SCN11A: variants seen among roughly 807,000 people sequenced by gnomAD.
The protein encoded by SCN11A is sodium voltage-gated channel alpha subunit 11.
Under a neutral mutation model 162.2 loss-of-function variants are expected in SCN11A, and 122 were observed. That is an observed-to-expected ratio of 0.75 (90% CI 0.65 to 0.87). SCN11A has a LOEUF of 0.87. Ranked by LOEUF, SCN11A falls within the 40% of genes least tolerant of loss-of-function variation. The probability of loss-of-function intolerance (pLI) is 0.00; values close to 1 mark genes in which losing one functional copy is unlikely to be tolerated. For synonymous variants in SCN11A, 758 were observed against 751.5 expected (o/e 1.01, Z -0.14); for missense variants, 2,015 against 2,181.6 (o/e 0.92, Z 1.52).
At chr3:38,864,577 T>C (rs879297849) in intron 27 of SCN11A, among the ~76,000 whole-genome samples, 17 of 152,250 alleles carry the variant, frequency 1.1e-4, no homozygotes, top group Admixed American at 1.3e-4. Flanking sequence ...GAGTAATCAG[T>C]ATGCAAATTT....
chr3:38,949,708 T>G (rs1040574363), intron 5 of SCN11A, among the ~76,000 whole-genome samples: 1 of 152,178 alleles, frequency 6.6e-6, no homozygotes, highest in Non-Finnish European at 1.5e-5. Flanking sequence ...ATTATTTCTA[T>G]TATACAGATT....
In SCN11A at chr3:38,879,971, G is replaced by C. The variant is rs1477841532; in HGVS notation, c.3372C>G (p.Cys1124Trp). 1.9e-6 allele frequency: 3 copies of C among 1,612,700 alleles called. No homozygotes were observed. The highest frequency in any genetic ancestry group is 2.5e-6 in the Non-Finnish European group (3 of 1,179,222). Residue 1124 changes from cysteine to tryptophan, a missense_variant, in exon 23 of 30, where the codon TGC becomes TGG. Coordinates refer to ENST00000302328, the MANE Select transcript of SCN11A (RefSeq NM_001349253.2). Reference protein sequence around the residue: ...FGKYFTSAWCCLDFIIVIVSV... With the variant: ...FGKYFTSAWCWLDFIIVIVSV... ...TTACAATCACAATGATGAAATCAAG[G>C]CAGCACCAGGCACTGGTGAAATACT...
At chr3:38,912,350 G>A (rs2065897833) in intron 11 of SCN11A, among the ~76,000 whole-genome samples, 1 of 152,040 alleles carries the variant, frequency 6.6e-6, no homozygotes, top group Non-Finnish European at 1.5e-5. Context: ...ACACTGATAT[G>A]AGAAGCATCT....
At chr3:39,029,215 A>G (rs2031682960) in intron 2 of SCN11A, among the ~76,000 whole-genome samples, 1 of 152,200 alleles carries the variant, frequency 6.6e-6, no homozygotes, top group Non-Finnish European at 1.5e-5. Context: ...GTGTAAAAAA[A>G]GATGGTTTTT....
intron 20 of SCN11A, 125 bp from the exon 21 acceptor site, chr3:38,885,527 G>A: frequency 1.6e-6 from 1 of 623,104 alleles, no homozygotes; most frequent in Non-Finnish European, 2.8e-6. Flanking sequence ...TTTCTAGGAT[G>A]AGAGGTGTCA....
At chr3:38,988,166 T>C (rs1476074973) in intron 2 of SCN11A, among the ~76,000 whole-genome samples, 1 of 152,070 alleles carries the variant, frequency 6.6e-6, no homozygotes, top group African/African-American at 2.4e-5. Context: ...TACACACACA[T>C]AAAGCTGGCC....
At chr3:39,050,882 A>G (rs1409787578) in intron 1 of SCN11A, among the ~76,000 whole-genome samples, 1 of 152,208 alleles carries the variant, frequency 6.6e-6, no homozygotes, top group Non-Finnish European at 1.5e-5. Flanking sequence ...CAAGTGCTCA[A>G]GAGCCACAAA....
chr3:38,971,878 G>A (rs1267123533), intron 2 of SCN11A, among the ~76,000 whole-genome samples: 2 of 152,156 alleles, frequency 1.3e-5, no homozygotes, highest in Non-Finnish European at 2.9e-5. Context: ...AAAGATGTTG[G>A]ATGGGAGAAG....
chr3:38,877,974 G>A (rs115547318), intron 23 of SCN11A, among the ~76,000 whole-genome samples: 5,884 of 151,544 alleles, frequency 0.039, 224 homozygotes, highest in East Asian at 0.16. Context: ...CCTAAGCTAA[G>A]AGGACACAAA....
At chr3:39,041,896 T>C (rs963417549) in intron 1 of SCN11A, among the ~76,000 whole-genome samples, 10 of 152,052 alleles carry the variant, frequency 6.6e-5, no homozygotes, top group Admixed American at 1.3e-4. Flanking sequence ...AGAAAAAATA[T>C]CATATTTCAA....
At chr3:39,012,525 G>T (rs2125603271) in intron 2 of SCN11A, among the ~76,000 whole-genome samples, 2 of 140,550 alleles carry the variant, frequency 1.4e-5, no homozygotes, top group Non-Finnish European at 3.0e-5. Flanking sequence ...CTGTTGCCCA[G>T]GCTGGAGTGC....
At chr3:38,896,817 T>TC in intron 18 of SCN11A, 28 bp downstream of exon 18, 1 of 1,458,104 alleles carries the variant, frequency 6.9e-7, no homozygotes, top group Non-Finnish European at 9.1e-7. Context: ...TCTTTTTTTT[T>TC]TTTTTGAAAA....
chr3:38,910,585 A>G (rs1258339056), intron 11 of SCN11A, among the ~76,000 whole-genome samples: 1 of 152,198 alleles, frequency 6.6e-6, no homozygotes, highest in East Asian at 1.9e-4. Context: ...CAGCACATCT[A>G]TATCTACACA....
chr3:38,975,650 G>A (rs542553038), intron 2 of SCN11A, among the ~76,000 whole-genome samples: 45 of 152,288 alleles, frequency 3.0e-4, no homozygotes, highest in Non-Finnish European at 5.7e-4. Flanking sequence ...CAAACAAGTC[G>A]AGAAGGAAAT....
intron 9 of SCN11A, 140 bp downstream of exon 9, chr3:38,925,275 T>A: frequency 3.2e-6 from 2 of 627,724 alleles, no homozygotes; most frequent in Non-Finnish European, 5.6e-6. Context: ...TGCTCAATAA[T>A]TATCAGTTGG....
intron 2 of SCN11A, among the ~76,000 whole-genome samples, chr3:39,010,433 G>T (rs1439367313): frequency 6.7e-6 from 1 of 148,598 alleles, no homozygotes; most frequent in African/African-American, 2.5e-5. Flanking sequence ...AAGCTGGAGT[G>T]CAGTGGCGCA....
rs371438698 is a variant in SCN11A at position 38,903,921 on chromosome 3, T to A, written c.1786A>T (p.Met596Leu). 1 of 1,614,002 alleles carries A rather than the reference T, an allele frequency of 6.2e-7. No homozygotes were observed. Among genetic ancestry groups the A allele is most frequent in the Non-Finnish European group, 8.5e-7 (1 of 1,179,940 alleles). The change falls in exon 16 of 30, where the codon ATG (methionine) becomes TTG (leucine). Residue 596 changes from methionine (M) to leucine (L), a missense_variant. Physicochemically the swap from Met to Leu is conservative, Grantham distance 15 (BLOSUM62 2). Coordinates refer to ENST00000302328, the MANE Select transcript of SCN11A (RefSeq NM_001349253.2). ...CTGGCCTCCATCTTGTGATGCTCCA[T>A]GGCCAAGAAGACAGTGTTGATGATG... is the stretch of plus-strand genomic sequence containing the variant. ...CIIINTVFLA[M>L]EHHKMEASFE...
chr3:39,000,260 T>C (rs374865956), intron 2 of SCN11A, among the ~76,000 whole-genome samples: 2 of 152,220 alleles, frequency 1.3e-5, no homozygotes, highest in East Asian at 3.8e-4. Flanking sequence ...CTTAAAATCC[T>C]TTCCCCCTGT....
At chr3:38,985,919 G>T (rs761167143) in intron 2 of SCN11A, among the ~76,000 whole-genome samples, 1 of 150,876 alleles carries the variant, frequency 6.6e-6, no homozygotes, top group Non-Finnish European at 1.5e-5. Context: ...GTTGGTCTTG[G>T]TTGGGACTAA....
Sources: gnomAD v4.1 joint callset for allele counts (sites outside exome capture counted in the v4.1 genomes callset) on GRCh38, gnomAD v4.1.1 for gene constraint, MANE v1.5 for transcripts, NCBI Gene and HGNC (gene_info 2026-07-23, HGNC 2026-07-21) for gene names.